Variants in CTNNA1 observed in about 807,000 individuals in gnomAD.
CTNNA1 encodes catenin alpha 1.
Under a neutral mutation model 98.4 loss-of-function variants are expected in CTNNA1, and 37 were observed. The ratio of observed to expected loss-of-function variants is 0.38; its 90% CI spans 0.29 to 0.49. CTNNA1 has a LOEUF of 0.49. Ranked by LOEUF, CTNNA1 falls within the 20% of genes least tolerant of loss-of-function variation. The pLI is 0.95. For missense variants in CTNNA1, 761 were observed against 1,147.2 expected, an observed-to-expected ratio of 0.66 and a Z score of 4.86; for synonymous variants, 404 against 413.2, an observed-to-expected ratio of 0.98 and a Z score of 0.27.
rs1766052902 is a variant in CTNNA1 at position 138,934,177 on chromosome 5, C to CTGAT, written c.*89_*92dup. The CTGAT allele has an allele frequency of 1.0e-6, 1 of 958,082 alleles. No homozygotes were observed. Among genetic ancestry groups the CTGAT allele is most frequent in the African/African-American group, 1.6e-5 (1 of 61,600 alleles). The allele number at this position is 958,082 out of a possible 1,614,324, so 59.3% of individuals were successfully genotyped here. On this transcript the variant is annotated 3_prime_UTR_variant, in exon 18 of 18. Coordinates refer to ENST00000302763, the MANE Select transcript of CTNNA1 (RefSeq NM_001903.5). ...TCAAATGAATTTGCTAAATACAACA[C>CTGAT]TGATACTAGATTCCACAGGGAAATG...
intron 2 of CTNNA1, chr5:138,782,412 A>T (rs1185856605): frequency 2.4e-6 from 1 of 408,596 alleles, no homozygotes; most frequent in African/African-American, 2.1e-5. Flanking sequence ...AGGTAATTCA[A>T]CTTGAGGGTT....
intron 2 of CTNNA1, 84 bp from the exon 3 acceptor site, chr5:138,783,093 G>A (rs1405953059): frequency 6.4e-6 from 7 of 1,088,146 alleles, no homozygotes; most frequent in Non-Finnish European, 9.0e-6. Flanking sequence ...TTTTTTAAAA[G>A]AATAACTTAA....
chr5:138,853,125 G>A (rs1763395647), intron 7 of CTNNA1, among the ~76,000 whole-genome samples: 1 of 151,614 alleles, frequency 6.6e-6, no homozygotes, highest in Non-Finnish European at 1.5e-5. Context: ...GATCTGATGA[G>A]TGTGAAGCAG....
chr5:138,822,085 A>G (rs1190457576), intron 5 of CTNNA1, among the ~76,000 whole-genome samples: 3 of 152,232 alleles, frequency 2.0e-5, no homozygotes, highest in South Asian at 2.1e-4. Flanking sequence ...AGATTAAAAT[A>G]TATCCCTCAT....
chr5:138,795,675 G>A (rs1296213808), intron 3 of CTNNA1, among the ~76,000 whole-genome samples: 1 of 152,082 alleles, frequency 6.6e-6, no homozygotes, highest in East Asian at 1.9e-4. Flanking sequence ...GTAAAACACT[G>A]TGTAAAAAGA....
chr5:138,889,726 G>A (rs1461933433), intron 9 of CTNNA1, among the ~76,000 whole-genome samples: 4 of 121,256 alleles, frequency 3.3e-5, no homozygotes, highest in Admixed American at 1.2e-4. Context: ...ACCCCCACAC[G>A]TTAACTATGC....
rs538098529 is a variant in CTNNA1 at position 138,909,354 on chromosome 5, C to A, written c.1389+4913C>A. Among the ~76,000 whole-genome samples the A allele has an allele frequency of 2.6e-5, 4 of 151,144 alleles. No homozygotes were observed. In the South Asian group the frequency reaches 8.4e-4, roughly 32 times the overall value. On this transcript the variant is annotated intron_variant, in intron 10 of 17. Coordinates refer to ENST00000302763, the MANE Select transcript of CTNNA1 (RefSeq NM_001903.5). ...TTATCTACATTTTTTTCTTTCCTCC[C>A]CCCCCACCCTTTTTTTTTTTAAGAG... is the stretch of plus-strand genomic sequence containing the variant.
chr5:138,783,083 T>C (rs958943122), intron 2 of CTNNA1, 94 bp from the exon 3 acceptor site: 3 of 991,810 alleles, frequency 3.0e-6, no homozygotes, highest in African/African-American at 3.3e-5. Flanking sequence ...TCTCATGTGA[T>C]TTTTTAAAAG....
At chr5:138,828,980 T>C (rs1469296137) in intron 7 of CTNNA1, among the ~76,000 whole-genome samples, 1 of 152,084 alleles carries the variant, frequency 6.6e-6, no homozygotes, top group Non-Finnish European at 1.5e-5. Context: ...AAAAGTTAAC[T>C]GGGCATGGTG....
chr5:138,767,509 C>T (rs977177001), intron 1 of CTNNA1, among the ~76,000 whole-genome samples: 1 of 152,186 alleles, frequency 6.6e-6, no homozygotes, highest in South Asian at 2.1e-4. Flanking sequence ...TGAGTCCTTC[C>T]TGACTATTTG....
chr5:138,876,540 T>G lies in CTNNA1; in HGVS notation c.1063-9672T>G, dbSNP rs138678387. 1.2e-3 allele frequency among the ~76,000 whole-genome samples: 187 copies of G among 152,364 alleles called. 1 individual carries two copies. Among genetic ancestry groups the G allele is most frequent in the African/African-American group, 4.4e-3 (182 of 41,596 alleles). ...TTTCAGGCCTGACAAAGGTAAGCCC[T>G]TTTCTACATCTTGCCTTATTGATTT... On this transcript the variant is annotated intron_variant, in intron 7 of 17. Transcript: ENST00000302763.
intron 7 of CTNNA1, among the ~76,000 whole-genome samples, chr5:138,879,630 A>AT (rs1291461461): frequency 1.9e-4 from 29 of 151,984 alleles, no homozygotes; most frequent in Non-Finnish European, 2.4e-4. Context: ...AATTAAAAAA[A>AT]TTTTTTTCGT....
intron 1 of CTNNA1, among the ~76,000 whole-genome samples, chr5:138,761,651 A>G (rs969319070): frequency 9.9e-5 from 15 of 152,208 alleles, no homozygotes; most frequent in African/African-American, 1.7e-4. Flanking sequence ...GGCCTTCTAT[A>G]TGGAGATAAT....
intron 10 of CTNNA1, among the ~76,000 whole-genome samples, chr5:138,912,511 TC>T (rs1460696073): frequency 1.3e-5 from 2 of 152,208 alleles, no homozygotes; most frequent in Admixed American, 6.5e-5. Context: ...GGAGGGAACT[TC>T]CTTAGCCTGA....
At chr5:138,803,655 C>A (rs1757798932) in intron 3 of CTNNA1, among the ~76,000 whole-genome samples, 1 of 152,166 alleles carries the variant, frequency 6.6e-6, no homozygotes. Context: ...CTCCAGATAG[C>A]CACATTATTC....
intron 10 of CTNNA1, among the ~76,000 whole-genome samples, chr5:138,910,135 G>T (rs1191888253): frequency 6.6e-6 from 1 of 151,018 alleles, no homozygotes; most frequent in African/African-American, 2.4e-5. Flanking sequence ...ACAGGTAACA[G>T]CCCCACAGAG....
intron 7 of CTNNA1, among the ~76,000 whole-genome samples, chr5:138,833,119 C>A (rs1761438813): frequency 6.6e-6 from 1 of 152,192 alleles, no homozygotes; most frequent in African/African-American, 2.4e-5. Context: ...AAAACCTACC[C>A]TTTCCCCAAA....
intron 5 of CTNNA1, among the ~76,000 whole-genome samples, chr5:138,817,024 ATTAT>A (rs1759505102): frequency 6.6e-6 from 1 of 152,102 alleles, no homozygotes; most frequent in African/African-American, 2.4e-5. Flanking sequence ...TTAAAATCAG[ATTAT>A]TTGAGTTTTT....
chr5:138,868,799 A>G (rs942445883), intron 7 of CTNNA1: 1 of 152,138 alleles, frequency 6.6e-6, no homozygotes, highest in Non-Finnish European at 1.5e-5. Context: ...CACATTTGAC[A>G]TTGTAGAGGA....
Sources: allele counts gnomAD v4.1 joint callset (sites outside exome capture counted in the v4.1 genomes callset), GRCh38; gene constraint gnomAD v4.1.1; transcripts MANE v1.5; gene names NCBI Gene and HGNC (gene_info 2026-07-23, HGNC 2026-07-21).